Variants in GALNT17 observed in about 807,000 individuals in gnomAD.
GALNT17 encodes polypeptide N-acetylgalactosaminyltransferase 17.
A neutral mutation model predicts 63.7 loss-of-function variants in GALNT17; 29 were observed. The observed-to-expected ratio is 0.46, with a 90% confidence interval of 0.34 to 0.62. The LOEUF is 0.62. GALNT17 is among the 20% of genes least tolerant of loss of function. GALNT17 has a pLI of 0.01. For missense variants in GALNT17, 603 were observed against 799.6 expected (o/e 0.75, Z 2.97); for synonymous variants, 305 against 318.3 (o/e 0.96, Z 0.45).
intron 5 of GALNT17, among the ~76,000 whole-genome samples, chr7:71,429,152 C>T (rs923569681): frequency 1.3e-5 from 2 of 152,032 alleles, no homozygotes; most frequent in African/African-American, 2.4e-5. Flanking sequence ...AGTGTGGACA[C>T]GAAGAGCCCT....
intron 2 of GALNT17, among the ~76,000 whole-genome samples, chr7:71,378,177 G>A (rs1159963745): frequency 6.6e-6 from 1 of 152,202 alleles, no homozygotes; most frequent in Non-Finnish European, 1.5e-5. Flanking sequence ...AGACTGCTCT[G>A]TGAGGGAACT....
intron 4 of GALNT17, among the ~76,000 whole-genome samples, chr7:71,417,762 C>A (rs563664175): frequency 1.6e-4 from 24 of 152,334 alleles, no homozygotes; most frequent in African/African-American, 5.8e-4. Flanking sequence ...TCCTTGGCAT[C>A]ATTGCCTCCT....
At chr7:71,283,854 C>T (rs1037406302) in intron 1 of GALNT17, 5 of 152,134 alleles carry the variant, frequency 3.3e-5, no homozygotes, top group African/African-American at 1.2e-4. Flanking sequence ...TTCTGTCTTA[C>T]AAAGGGATTG....
chr7:71,705,676 C>T (rs1791713542), intron 9 of GALNT17, among the ~76,000 whole-genome samples: 1 of 152,082 alleles, frequency 6.6e-6, no homozygotes. Context: ...GAGACCACAC[C>T]TTGAAGAGAC....
At chr7:71,492,765 C>A (rs4392778) in intron 5 of GALNT17, among the ~76,000 whole-genome samples, 1 of 152,170 alleles carries the variant, frequency 6.6e-6, no homozygotes, top group Non-Finnish European at 1.5e-5. Context: ...GAGTGTTTGA[C>A]GTATCGCTGT....
In GALNT17 at chr7:71,660,127, G is replaced by A. The variant is rs979011872; in HGVS notation, c.1081-5284G>A. 3.3e-5 allele frequency among the ~76,000 whole-genome samples: 5 copies of A among 152,266 alleles called. No homozygotes were observed. In the South Asian group the frequency reaches 1.0e-3, roughly 32 times the overall value. On this transcript the variant is annotated intron_variant, in intron 6 of 10. Coordinates refer to ENST00000333538, the MANE Select transcript of GALNT17 (RefSeq NM_022479.3). ...TTCATCCCCCTGCCCAGCCCAGTAG[G>A]CCCTGAATGGATCATTTTTTGATGA...
At chr7:71,564,675 T>G (rs1482016561) in intron 5 of GALNT17, among the ~76,000 whole-genome samples, 1 of 152,152 alleles carries the variant, frequency 6.6e-6, no homozygotes, top group Non-Finnish European at 1.5e-5. Context: ...CTCCTGCCCA[T>G]TCATCTGTGG....
intron 1 of GALNT17, among the ~76,000 whole-genome samples, chr7:71,312,978 G>A (rs1322378618): frequency 2.0e-5 from 3 of 152,044 alleles, no homozygotes; most frequent in Non-Finnish European, 1.5e-5. Flanking sequence ...GCATTGTGGT[G>A]TGTACCTGTA....
At chr7:71,428,688 C>T (rs1344478131) in intron 5 of GALNT17, among the ~76,000 whole-genome samples, 17 of 152,168 alleles carry the variant, frequency 1.1e-4, no homozygotes, top group Non-Finnish European at 2.5e-4. Context: ...CTGCCCACCT[C>T]GGCCTCCCAA....
At chr7:71,625,849 C>T (rs1790368019) in intron 6 of GALNT17, among the ~76,000 whole-genome samples, 1 of 152,134 alleles carries the variant, frequency 6.6e-6, no homozygotes, top group African/African-American at 2.4e-5. Context: ...TCCCCGGTAC[C>T]TCCACATTTG....
chr7:71,470,622 A>T (rs1787612311), intron 5 of GALNT17, among the ~76,000 whole-genome samples: 1 of 152,136 alleles, frequency 6.6e-6, no homozygotes. Flanking sequence ...GCAGGGATTT[A>T]AAATGAATCA....
At chr7:71,617,542 G>A (rs1440254186) in intron 6 of GALNT17, among the ~76,000 whole-genome samples, 1 of 151,862 alleles carries the variant, frequency 6.6e-6, no homozygotes, top group Non-Finnish European at 1.5e-5. Flanking sequence ...GGATGGTCTC[G>A]ATCTCTTGAC....
intron 1 of GALNT17, among the ~76,000 whole-genome samples, chr7:71,296,431 T>G (rs937481110): frequency 2.6e-5 from 4 of 151,958 alleles, no homozygotes; most frequent in Non-Finnish European, 5.9e-5. Context: ...TTGGCCAACA[T>G]GGGGCCAACC....
Position 71,168,705 on chromosome 7 carries a change from A to ATGTGTGTGTGTG in GALNT17, c.238+35684_238+35695dup, listed in dbSNP as rs10536926. Among the ~76,000 whole-genome samples, 1,245 of 149,152 alleles carry ATGTGTGTGTGTG rather than the reference A, an allele frequency of 8.3e-3. 12 individuals are homozygous for ATGTGTGTGTGTG. Among genetic ancestry groups the ATGTGTGTGTGTG allele is most frequent in the Non-Finnish European group, 0.013 (883 of 67,230 alleles). ...TCCATCAGCTCACATAGTTACGTGT[A>ATGTGTGTGTGTG]TGTGTGTGTGTGTGTGTGTGTGTGT... On this transcript the variant is annotated intron_variant, in intron 1 of 10. Transcript: ENST00000333538.
At chr7:71,148,858 TTTTATATATATATATATATATATA>T (rs1275738401) in intron 1 of GALNT17, among the ~76,000 whole-genome samples, 3 of 91,916 alleles carry the variant, frequency 3.3e-5, no homozygotes, top group Non-Finnish European at 6.0e-5. Flanking sequence ...ATTATGGTAT[TTTTATATATATATATATATATATA>T]TATATATATA....
chr7:71,396,349 T>C (rs1250030458), intron 3 of GALNT17, among the ~76,000 whole-genome samples: 1 of 152,174 alleles, frequency 6.6e-6, no homozygotes, highest in Non-Finnish European at 1.5e-5. Flanking sequence ...TATATAGTTA[T>C]CCCATGAGCA....
rs1354512167 is a variant in GALNT17 at position 71,316,755 on chromosome 7, A to G, written c.239-18795A>G. Among the ~76,000 whole-genome samples, 5 of 152,314 alleles carry G rather than the reference A, an allele frequency of 3.3e-5. No individual in the cohort carries two copies. The South Asian group carries it at 1.0e-3, about 32-fold the overall frequency. On this transcript the variant is annotated intron_variant, in intron 1 of 10. Coordinates refer to ENST00000333538, the MANE Select transcript of GALNT17 (RefSeq NM_022479.3). ...GAGAGTGACCCTGATACCAGAAAGA[A>G]GAGTGATACAGGGATTGTTTCCACG...
In GALNT17 at chr7:71,193,703, TTC is replaced by T. The variant is rs1788995242; in HGVS notation, c.238+60665_238+60666del. On this transcript the variant is annotated intron_variant, in intron 1 of 10. Transcript: ENST00000333538. The stretch of plus-strand genomic sequence containing the variant: ...AAAATAGACCCATATGCTACTGTGA[TTC>T]TGTTTGTGTTTGGATGTGGAGTTTA... 2.0e-5 allele frequency among the ~76,000 whole-genome samples: 3 copies of T among 152,034 alleles called. No homozygotes were observed. The South Asian group carries it at 6.2e-4, about 32-fold the overall frequency.
At chr7:71,383,738 GT>G (rs1394233998) in intron 2 of GALNT17, among the ~76,000 whole-genome samples, 1 of 151,994 alleles carries the variant, frequency 6.6e-6, no homozygotes, top group South Asian at 2.1e-4. Flanking sequence ...TTGGCTCTGT[GT>G]TTTTTTTATC....
Sources: allele counts gnomAD v4.1 joint callset (sites outside exome capture counted in the v4.1 genomes callset), GRCh38; gene constraint gnomAD v4.1.1; transcripts MANE v1.5; gene names NCBI Gene and HGNC (gene_info 2026-07-23, HGNC 2026-07-21).